DGKI: variants seen among roughly 807,000 people sequenced by gnomAD.
The protein encoded by DGKI is DAG kinase iota.
A neutral mutation model predicts 147.5 loss-of-function variants in DGKI; 55 were observed. The observed-to-expected ratio is 0.37, with a 90% confidence interval of 0.30 to 0.47. DGKI has a LOEUF of 0.47. Among genes scored for constraint, DGKI ranks in the 20% least tolerant of loss-of-function variants. The pLI, the probability that DGKI is intolerant of heterozygous loss-of-function variation, is 1.00. For synonymous variants in DGKI, 469 were observed against 477.1 expected (o/e 0.98, Z 0.22); for missense variants, 1,007 against 1,323.8 (o/e 0.76, Z 3.71).
chr7:137,402,122 A>G (rs1304656366), intron 30 of DGKI, among the ~76,000 whole-genome samples: 1 of 152,248 alleles, frequency 6.6e-6, no homozygotes, highest in Non-Finnish European at 1.5e-5. Flanking sequence ...TAATGCATTT[A>G]GAACATTTAG....
intron 28 of DGKI, among the ~76,000 whole-genome samples, chr7:137,421,712 C>A (rs769527532): frequency 5.9e-5 from 9 of 152,224 alleles, no homozygotes; most frequent in Non-Finnish European, 1.3e-4. Flanking sequence ...TCCACTTCTG[C>A]GATTAAGTCA....
At chr7:137,529,867 A>G in intron 20 of DGKI, among the ~76,000 whole-genome samples, 1 of 152,150 alleles carries the variant, frequency 6.6e-6, no homozygotes, top group Admixed American at 6.5e-5. Context: ...GTCCTGCCTC[A>G]GCCTCCTGAG....
At chr7:137,399,209 G>T (rs1215530260) in intron 30 of DGKI, among the ~76,000 whole-genome samples, 1 of 151,994 alleles carries the variant, frequency 6.6e-6, no homozygotes, top group African/African-American at 2.4e-5. Context: ...CACTTATTTG[G>T]TTCTATCCTC....
At chr7:137,396,795 T>C (rs1445523983) in intron 31 of DGKI, among the ~76,000 whole-genome samples, 7 of 152,214 alleles carry the variant, frequency 4.6e-5, no homozygotes, top group Admixed American at 4.6e-4. Flanking sequence ...TTCGCTACTT[T>C]AGAAATAAGG....
intron 10 of DGKI, among the ~76,000 whole-genome samples, chr7:137,605,525 T>C (rs1316774911): frequency 1.3e-5 from 2 of 152,056 alleles, no homozygotes; most frequent in African/African-American, 4.8e-5. Context: ...AGACAATTAC[T>C]GCTAAGTTTA....
chr7:137,510,143 A>G (rs976371821), intron 21 of DGKI, among the ~76,000 whole-genome samples: 1 of 152,174 alleles, frequency 6.6e-6, no homozygotes, highest in Non-Finnish European at 1.5e-5. Context: ...CTTCTAATAC[A>G]TAGTAGGAAC....
intron 23 of DGKI, among the ~76,000 whole-genome samples, chr7:137,472,096 C>CAG (rs1554410327): frequency 1.6e-5 from 2 of 123,118 alleles, no homozygotes; most frequent in Non-Finnish European, 3.2e-5. Flanking sequence ...AATATATACA[C>CAG]ATATATGTGT....
rs765836372 is a variant in DGKI, at chr7:137,466,047, CAAG to C, written c.2485-15_2485-13del. 5 of 1,612,902 alleles carry C rather than the reference CAAG, an allele frequency of 3.1e-6. No homozygotes were observed. In the South Asian group the frequency reaches 5.5e-5, roughly 18 times the overall value. On this transcript the variant is annotated splice_polypyrimidine_tract_variant and intron_variant, in intron 25 of 32. Transcript: ENST00000614521. ...AAGTGCAAATGTTCCTAAAGAAGAA[CAAG>C]AAGTCTGTTGCATGAAGAATAACAA...
chr7:137,759,213 A>T (rs1795778693), intron 1 of DGKI, among the ~76,000 whole-genome samples: 3 of 152,206 alleles, frequency 2.0e-5, no homozygotes, highest in Middle Eastern at 3.4e-3. Context: ...AACACACAAT[A>T]TTTGATTTTC....
chr7:137,577,326 A>G (rs781439431), intron 16 of DGKI, 42 bp from the exon 17 acceptor site: 4 of 1,361,560 alleles, frequency 2.9e-6, no homozygotes, highest in Non-Finnish European at 4.1e-6. Context: ...TCGTAATTAC[A>G]TGGTGATACC....
intron 1 of DGKI, among the ~76,000 whole-genome samples, chr7:137,748,016 A>G (rs908434897): frequency 6.6e-6 from 1 of 152,216 alleles, no homozygotes; most frequent in Non-Finnish European, 1.5e-5. Context: ...TCACTTGCCC[A>G]AGGTCACATA....
At chr7:137,789,428 T>A (rs73152544) in intron 1 of DGKI, among the ~76,000 whole-genome samples, 4,890 of 152,252 alleles carry the variant, frequency 0.032, 125 homozygotes, top group Non-Finnish European at 0.049. Context: ...GTTGCCATAG[T>A]AACCAACCTC....
intron 28 of DGKI, among the ~76,000 whole-genome samples, chr7:137,440,593 T>C (rs1813462127): frequency 6.6e-6 from 1 of 152,226 alleles, no homozygotes; most frequent in Admixed American, 6.5e-5. Flanking sequence ...CTCTCTCACC[T>C]ACTAGCTATG....
At chr7:137,608,871 G>T in intron 10 of DGKI, 95 bp downstream of exon 10, 1 of 945,034 alleles carries the variant, frequency 1.1e-6, no homozygotes, top group Non-Finnish European at 1.7e-6. Context: ...TCCAAAGCTT[G>T]GGATCCTAGT....
chr7:137,636,109 T>C (rs956060215), intron 6 of DGKI, among the ~76,000 whole-genome samples: 7 of 152,150 alleles, frequency 4.6e-5, no homozygotes, highest in African/African-American at 1.7e-4. Flanking sequence ...GAAGAATACA[T>C]CTGGTAACCA....
At chr7:137,592,201 C>T (rs541962838) in intron 12 of DGKI, among the ~76,000 whole-genome samples, 1 of 152,252 alleles carries the variant, frequency 6.6e-6, no homozygotes, top group South Asian at 2.1e-4. Context: ...TCTGCCACGG[C>T]TTTCGTATTT....
intron 1 of DGKI, among the ~76,000 whole-genome samples, chr7:137,762,753 T>G (rs565644395): frequency 1.3e-5 from 2 of 152,324 alleles, no homozygotes; most frequent in East Asian, 3.9e-4. Flanking sequence ...CATTGTGTGC[T>G]CCTATAGCAT....
chr7:137,584,283 A>G (rs1233210578), intron 14 of DGKI, among the ~76,000 whole-genome samples: 1 of 152,182 alleles, frequency 6.6e-6, no homozygotes, highest in Non-Finnish European at 1.5e-5. Context: ...GGAGATTCTT[A>G]CACATACAGA....
chr7:137,755,535 C>A (rs952372984), intron 1 of DGKI, among the ~76,000 whole-genome samples: 2 of 152,306 alleles, frequency 1.3e-5, no homozygotes, highest in African/African-American at 4.8e-5. Flanking sequence ...GGAAACAAAT[C>A]GACCTGAATG....
Sources: gnomAD v4.1 joint callset for allele counts (sites outside exome capture counted in the v4.1 genomes callset) on GRCh38, gnomAD v4.1.1 for gene constraint, MANE v1.5 for transcripts, NCBI Gene and HGNC (gene_info 2026-07-23, HGNC 2026-07-21) for gene names.